Variants in GPR55 observed in about 807,000 individuals in gnomAD.
The protein encoded by GPR55 is G-protein coupled receptor 55.
In GPR55, 6 loss-of-function variants were observed where a neutral mutation model predicts 7.9. The observed-to-expected ratio is 0.76, with a 90% CI of 0.41 to 1.49. GPR55 has a LOEUF of 1.49. Among genes scored for constraint, GPR55 ranks in the 40% most tolerant of loss-of-function variants. GPR55 has a pLI of 0.01. For missense variants in GPR55, 376 were observed against 406.0 expected (o/e 0.93, Z 0.63); for synonymous variants, 183 against 166.8 (o/e 1.10, Z -0.75).
At chr2:230,918,415 T>C (rs1161590231) in intron 1 of GPR55, among the ~76,000 whole-genome samples, 1 of 152,142 alleles carries the variant, frequency 6.6e-6, no homozygotes, top group Non-Finnish European at 1.5e-5. Flanking sequence ...CAAGAAGAAA[T>C]AGAATTATTG....
At chr2:230,914,223 C>T (rs893139083) in intron 1 of GPR55, among the ~76,000 whole-genome samples, 27 of 152,192 alleles carry the variant, frequency 1.8e-4, no homozygotes, top group African/African-American at 6.5e-4. Flanking sequence ...AAGCACACAA[C>T]CTCAGGTGCT....
rs1195186778 is a variant in GPR55, at chr2:230,910,766, A to C, written c.197T>G (p.Leu66Arg). ...CACCAGCAGCAGGTCAAAGACTGCC[A>C]GGTTGATCATGTAGATGGAGGTGGC... ...YAATSIYMIN[L>R]AVFDLLLVLS... The change falls in exon 2 of 2, where the codon CTG becomes CGG. Residue 66 changes from leucine to arginine, a missense_variant. Transcript: ENST00000650999. The surrounding 1 kb of genome is among the most constrained non-coding windows in gnomAD (Gnocchi z 5.4). The C allele has an allele frequency of 6.2e-7, 1 of 1,613,930 alleles. No homozygotes were observed. Among genetic ancestry groups the C allele is most frequent in the Non-Finnish European group, 8.5e-7 (1 of 1,179,896 alleles).
At chr2:230,916,527 G>GA (rs59873953) in intron 1 of GPR55, among the ~76,000 whole-genome samples, 3,151 of 136,336 alleles carry the variant, frequency 0.023, 87 homozygotes, top group African/African-American at 0.075. Context: ...CTCTCTCTAA[G>GA]AAAAAAAAAA....
Position 230,923,632 on chromosome 2 carries a change from G to A in GPR55, c.-135+1536C>T, listed in dbSNP as rs1461569159. On this transcript the variant is annotated intron_variant, in intron 1 of 1. Transcript: ENST00000650999. This position sits in a 1 kb window ranked among gnomAD's most constrained non-coding sequence, Gnocchi z 4.1. The stretch of plus-strand genomic sequence containing the variant: ...TTGGAGTGGGGCTGGGAGAGGGGAG[G>A]GGCCGGCTTGGGGACGTGAAAGGTG... Among the ~76,000 whole-genome samples, 2 of 152,182 alleles carry A rather than the reference G, an allele frequency of 1.3e-5. No homozygotes were observed. The highest frequency in any genetic ancestry group is 4.8e-5 in the African/African-American group (2 of 41,510).
At chr2:230,940,634 C>T (rs946686680) in intron 1 of GPR55, among the ~76,000 whole-genome samples, 22 of 152,174 alleles carry the variant, frequency 1.4e-4, no homozygotes, top group African/African-American at 5.1e-4. Flanking sequence ...GGTCACTGGG[C>T]CAGGATTCAC....
Position 230,909,569 on chromosome 2 carries a change from C to A in GPR55, c.*434G>T. The A allele has an allele frequency of 5.6e-6, 1 of 179,628 alleles. No homozygotes were observed. Among genetic ancestry groups the A allele is most frequent in the Non-Finnish European group, 1.2e-5 (1 of 84,248 alleles). 11.1% of individuals were successfully genotyped at this position (179,628 alleles called of 1,614,324 possible). On this transcript the variant is annotated 3_prime_UTR_variant, in exon 2 of 2. Transcript: ENST00000650999. ...ACTTCACTCATCCCTACCACCCCACCTCTGCCCAAGACACTCTCCCCAATA... is the reference window on the plus strand; with the variant it reads ...ACTTCACTCATCCCTACCACCCCACATCTGCCCAAGACACTCTCCCCAATA...
At chr2:230,939,986 C>T (rs1029080947) in intron 1 of GPR55, among the ~76,000 whole-genome samples, 1 of 152,090 alleles carries the variant, frequency 6.6e-6, no homozygotes, top group Non-Finnish European at 1.5e-5. Flanking sequence ...ATCTCCTTGG[C>T]CTGCCACTGC....
At chr2:230,927,098 A>G (rs1355680395), upstream of GPR55, among the ~76,000 whole-genome samples, 1 of 152,202 alleles carries the variant, frequency 6.6e-6, no homozygotes, top group Non-Finnish European at 1.5e-5. Context: ...TCAAATACAT[A>G]TGTAAACACA....
At chr2:230,954,004 G>C (rs142561937) in intron 1 of GPR55, among the ~76,000 whole-genome samples, 148 of 152,356 alleles carry the variant, frequency 9.7e-4, no homozygotes, top group African/African-American at 3.3e-3. Context: ...TGTGGAGCAA[G>C]CTTATGTTAG....
At chr2:230,940,076 G>C (rs1204893089) in intron 1 of GPR55, among the ~76,000 whole-genome samples, 1 of 152,122 alleles carries the variant, frequency 6.6e-6, no homozygotes, top group African/African-American at 2.4e-5. Flanking sequence ...TGGCCCCCCT[G>C]GAGTCCTGCG....
At chr2:230,959,388 G>A (rs565007405) in intron 1 of GPR55, among the ~76,000 whole-genome samples, 1 of 152,148 alleles carries the variant, frequency 6.6e-6, no homozygotes, top group Non-Finnish European at 1.5e-5. Flanking sequence ...GGTCAAGGCT[G>A]CAGTGAGCTG....
chr2:230,933,416 C>T (rs891851512), intron 1 of GPR55, among the ~76,000 whole-genome samples: 3 of 152,204 alleles, frequency 2.0e-5, no homozygotes, highest in Non-Finnish European at 4.4e-5. Context: ...AAGTCAGGAA[C>T]CTACTGAACA....
chr2:230,919,018 A>G (rs984082904), intron 1 of GPR55, among the ~76,000 whole-genome samples: 3 of 152,122 alleles, frequency 2.0e-5, no homozygotes, highest in African/African-American at 7.2e-5. Flanking sequence ...GCATTCCACA[A>G]AAATCAATAA....
At chr2:230,919,360 C>T (rs932756907) in intron 1 of GPR55, among the ~76,000 whole-genome samples, 2 of 152,024 alleles carry the variant, frequency 1.3e-5, no homozygotes, top group Non-Finnish European at 2.9e-5. Context: ...ATAATGTACT[C>T]GAAGAAACAA....
chr2:230,940,043 AGTCCTCCCATCCCTGAGCTAC>A (rs1288062801), intron 1 of GPR55, among the ~76,000 whole-genome samples: 2 of 152,122 alleles, frequency 1.3e-5, no homozygotes, highest in Non-Finnish European at 2.9e-5. Flanking sequence ...AGAAAGAGCC[AGTCCTCCCATCCCTGAGCTAC>A]GTGGCCCCCC....
intron 1 of GPR55, among the ~76,000 whole-genome samples, chr2:230,914,601 T>C (rs1177518552): frequency 7.0e-6 from 1 of 142,396 alleles, no homozygotes; most frequent in Non-Finnish European, 1.5e-5. Flanking sequence ...GATGAAACAG[T>C]CATCCTTCTC....
At chr2:230,912,006 G>T (rs570252704) in intron 1 of GPR55, among the ~76,000 whole-genome samples, 2 of 152,180 alleles carry the variant, frequency 1.3e-5, no homozygotes, top group South Asian at 4.2e-4. Flanking sequence ...TTGCTAGAAG[G>T]ACTCAAATAC....
In GPR55 at chr2:230,909,877, C is replaced by A; in HGVS notation, c.*126G>T. On this transcript the variant is annotated 3_prime_UTR_variant, in exon 2 of 2. Transcript: ENST00000650999. ...ATGAGCAAAGCTGGCACTCAATGGG[C>A]ATCAAAGGGAAGCACATCAGTGAAG... 1 of 965,002 alleles carries A rather than the reference C, an allele frequency of 1.0e-6. No homozygotes were observed. The highest frequency in any genetic ancestry group is 1.6e-6 in the Non-Finnish European group (1 of 634,356). 59.8% of individuals were successfully genotyped at this position (965,002 alleles called of 1,614,324 possible). A position where few individuals can be genotyped will look rare whatever the true frequency, so the allele number is the denominator to read the frequency against.
At chr2:230,912,905 G>A (rs1690626310) in intron 1 of GPR55, among the ~76,000 whole-genome samples, 1 of 152,168 alleles carries the variant, frequency 6.6e-6, no homozygotes, top group South Asian at 2.1e-4. Context: ...CCTTTTCAAA[G>A]GCAGCATGGC....
Sources: allele counts gnomAD v4.1 joint callset (sites outside exome capture counted in the v4.1 genomes callset), GRCh38; gene constraint gnomAD v4.1.1; non-coding constraint Gnocchi (gnomAD v3.1); transcripts MANE v1.5; gene names NCBI Gene and HGNC (gene_info 2026-07-23, HGNC 2026-07-21).